Variants in SHISA9 observed in about 807,000 individuals in gnomAD.
The protein encoded by SHISA9 is protein shisa-9.
Under a neutral mutation model 38.0 loss-of-function variants are expected in SHISA9, and 13 were observed. The ratio of observed to expected loss-of-function variants is 0.34; its 90% CI spans 0.22 to 0.54. The LOEUF is 0.54. SHISA9 is among the 20% of genes least tolerant of loss of function. The probability of loss-of-function intolerance (pLI) is 0.91; values close to 1 mark genes in which losing one functional copy is unlikely to be tolerated. For synonymous variants in SHISA9, 275 were observed against 242.0 expected (o/e 1.14, Z -1.27); for missense variants, 538 against 575.8 (o/e 0.93, Z 0.67).
the SHISA9 span, among the ~76,000 whole-genome samples, chr16:13,402,505 G>C: frequency 6.6e-6 from 1 of 151,350 alleles, no homozygotes. Context: ...ACATTGGAGA[G>C]GGTGGTCTTT....
chr16:13,050,093 A>G (rs902643999), intron 2 of SHISA9, among the ~76,000 whole-genome samples: 5 of 152,156 alleles, frequency 3.3e-5, no homozygotes, highest in Admixed American at 1.3e-4. Flanking sequence ...TAGAATAACT[A>G]TTGACATGGA....
intron 2 of SHISA9, among the ~76,000 whole-genome samples, chr16:13,136,544 G>A (rs1213778878): frequency 2.0e-5 from 3 of 151,732 alleles, no homozygotes; most frequent in Non-Finnish European, 4.4e-5. Context: ...GATTACAGGT[G>A]CCCATCACCA....
chr16:12,908,956 C>T, intron 1 of SHISA9: 1 of 1,000,928 alleles, frequency 1.0e-6, no homozygotes, highest in Non-Finnish European at 1.2e-6. Flanking sequence ...TTCAGAAGAA[C>T]TGGCACCCCT....
At chr16:12,924,859 G>A (rs1433752) in intron 2 of SHISA9, among the ~76,000 whole-genome samples, 39,306 of 152,068 alleles carry the variant, frequency 0.26, 5,750 homozygotes, top group Middle Eastern at 0.35. Context: ...TCACTGTGCA[G>A]TCTTGGAAAC....
the SHISA9 span, among the ~76,000 whole-genome samples, chr16:13,302,921 C>G: frequency 1.3e-5 from 2 of 152,140 alleles, no homozygotes; most frequent in African/African-American, 4.8e-5. Context: ...TTTACACGCT[C>G]TCTCTCACCT....
At chr16:13,411,950 A>G in the SHISA9 span, among the ~76,000 whole-genome samples, 10 of 151,882 alleles carry the variant, frequency 6.6e-5, no homozygotes, top group Non-Finnish European at 8.8e-5. Context: ...AATAAATTTT[A>G]GCTATTACCA....
At chr16:13,410,732 G>T in the SHISA9 span, among the ~76,000 whole-genome samples, 1 of 152,202 alleles carries the variant, frequency 6.6e-6, no homozygotes, top group African/African-American at 2.4e-5. Context: ...CTGTCAGGTT[G>T]TGCCTGAATT....
intron 2 of SHISA9, among the ~76,000 whole-genome samples, chr16:13,001,557 G>C (rs1170058822): frequency 2.0e-5 from 3 of 152,160 alleles, no homozygotes; most frequent in African/African-American, 7.2e-5. Context: ...ACGTTCTGGG[G>C]AACGGGGATG....
the SHISA9 span, among the ~76,000 whole-genome samples, chr16:13,385,191 A>G: frequency 1.3e-5 from 2 of 152,264 alleles, no homozygotes; most frequent in East Asian, 3.8e-4. Context: ...TAAATTCATA[A>G]GTTTCAGATG....
chr16:13,333,721 C>T, the SHISA9 span, among the ~76,000 whole-genome samples: 17 of 152,136 alleles, frequency 1.1e-4, no homozygotes, highest in African/African-American at 3.9e-4. Flanking sequence ...AAAATTGTTG[C>T]ATAAATATCT....
the SHISA9 span, among the ~76,000 whole-genome samples, chr16:13,496,612 G>A: frequency 1.3e-5 from 2 of 151,886 alleles, no homozygotes; most frequent in Non-Finnish European, 2.9e-5. Flanking sequence ...CATAAGATAC[G>A]ATTGCTTACT....
the SHISA9 span, among the ~76,000 whole-genome samples, chr16:13,445,741 C>G: frequency 2.0e-5 from 3 of 152,270 alleles, no homozygotes; most frequent in East Asian, 3.9e-4. Flanking sequence ...AGGTTAAACT[C>G]ATGGGTTCTA....
At chr16:12,964,640 C>A (rs1160517325) in intron 2 of SHISA9, among the ~76,000 whole-genome samples, 3 of 152,110 alleles carry the variant, frequency 2.0e-5, no homozygotes, top group Admixed American at 1.3e-4. Flanking sequence ...GACACACAAT[C>A]TGGCCCGAGA....
At chr16:12,983,094 C>T (rs375549860) in intron 2 of SHISA9, among the ~76,000 whole-genome samples, 15 of 152,290 alleles carry the variant, frequency 9.8e-5, no homozygotes, top group African/African-American at 3.6e-4. Context: ...TCTCTGGGTG[C>T]CATTTAGAAT....
chr16:12,945,090 G>T (rs2071671374), intron 2 of SHISA9, among the ~76,000 whole-genome samples: 1 of 152,144 alleles, frequency 6.6e-6, no homozygotes, highest in Non-Finnish European at 1.5e-5. Context: ...GCTTCCAGGG[G>T]CATTGACACT....
At chr16:13,411,621 G>T in the SHISA9 span, among the ~76,000 whole-genome samples, 1 of 152,146 alleles carries the variant, frequency 6.6e-6, no homozygotes, top group Non-Finnish European at 1.5e-5. Flanking sequence ...CATTTTCATC[G>T]GCAAGGATGC....
At chr16:13,154,856 G>C (rs1040124099) in intron 2 of SHISA9, among the ~76,000 whole-genome samples, 1 of 152,202 alleles carries the variant, frequency 6.6e-6, no homozygotes, top group Non-Finnish European at 1.5e-5. Flanking sequence ...ACACGGTTAC[G>C]TGGTTGTTCT....
At chr16:13,073,087 G>A (rs1007202780) in intron 2 of SHISA9, among the ~76,000 whole-genome samples, 4 of 152,146 alleles carry the variant, frequency 2.6e-5, no homozygotes, top group Admixed American at 6.5e-5. Context: ...TACAATGCTC[G>A]TCCCTTATTC....
intron 2 of SHISA9, among the ~76,000 whole-genome samples, chr16:12,972,546 A>G (rs1439206088): frequency 6.6e-6 from 1 of 152,244 alleles, no homozygotes; most frequent in African/African-American, 2.4e-5. Context: ...AGCACTGTCC[A>G]AATCAACTTC....
Sources: allele counts gnomAD v4.1 joint callset (sites outside exome capture counted in the v4.1 genomes callset), GRCh38; gene constraint gnomAD v4.1.1; transcripts MANE v1.5; gene names NCBI Gene and HGNC (gene_info 2026-07-23, HGNC 2026-07-21).